SIX4: variants seen among roughly 807,000 people sequenced by gnomAD.
SIX4 encodes homeobox protein SIX4.
In SIX4, 23 loss-of-function variants were observed where a neutral mutation model predicts 51.5. The ratio of observed to expected loss-of-function variants is 0.45; its 90% confidence interval spans 0.32 to 0.63. SIX4 has a LOEUF of 0.63. SIX4 is among the 30% of genes least tolerant of loss of function. The pLI is 0.04. For missense variants in SIX4, 867 were observed against 984.0 expected (o/e 0.88, Z 1.59); for synonymous variants, 413 against 417.3 (o/e 0.99, Z 0.13).
Position 60,713,770 on chromosome 14 carries a change from ATAGT to A in SIX4, c.1979_1982del (p.Asn660MetfsTer20). The A allele has an allele frequency of 1.2e-6, 2 of 1,614,228 alleles. No homozygotes were observed. Among genetic ancestry groups the A allele is most frequent in the Non-Finnish European group, 8.5e-7 (1 of 1,180,044 alleles). On this transcript the variant is annotated frameshift_variant, in exon 3 of 3. Transcript: ENST00000216513. LOFTEE classifies it high-confidence loss of function. ...TAAGGGAGCAGTTCTGAAGAGTTGC[ATAGT>A]TAGTGTTGCTGACAGATGTCACAGT... is the stretch of plus-strand genomic sequence containing the variant.
At chr14:60,721,266 G>T (rs1896013503) in intron 1 of SIX4, 822 of 281,542 alleles carry the variant, frequency 2.9e-3, no homozygotes, top group Non-Finnish European at 4.0e-3. Context: ...TGACTTGGGA[G>T]AAATACCAAA....
rs76468554 is a variant in SIX4, at chr14:60,714,244, G to T, written c.1550-41C>A. ...TACTGATTATCACTGATGGAAGTGA[G>T]AGGGAAAGAAAAAAAGTTACACACA... is the stretch of plus-strand genomic sequence containing the variant. On this transcript the variant is annotated intron_variant, in intron 2 of 2. Transcript: ENST00000216513. 7.1e-3 allele frequency: 10,574 copies of T among 1,498,886 alleles called. 401 individuals carry two copies. The African/African-American group carries it at 0.1, about 14-fold the overall frequency. 92.8% of individuals were successfully genotyped at this position (1,498,886 alleles called of 1,614,324 possible).
rs746256722 is a variant in SIX4, at chr14:60,713,909, G to A, written c.1844C>T (p.Ser615Phe). 100 of 1,614,012 alleles carry A rather than the reference G, an allele frequency of 6.2e-5. No individual in the cohort carries two copies. The highest frequency in any genetic ancestry group is 1.6e-5 in the Non-Finnish European group (19 of 1,180,018). ...HPLASSLVNV[S>F]PTHNFSLSPS... ...ACTGAGAGAAAAATTGTGAGTTGGA[G>A]ATACATTAACTAATGAGGAGGCCAG... Residue 615 changes from serine (S) to phenylalanine (F), a missense_variant, in exon 3 of 3, where the codon TCT (serine) becomes TTT (phenylalanine). Physicochemically the swap from Ser to Phe is radical, Grantham distance 155. Coordinates refer to ENST00000216513, the MANE Select transcript of SIX4 (RefSeq NM_017420.5).
At position 60,722,367 on chromosome 14, in the gene SIX4, C is replaced by A. The variant is rs540411483; in HGVS notation, c.863+845G>T. Among the ~76,000 whole-genome samples, 1 of 152,270 alleles carries A rather than the reference C, an allele frequency of 6.6e-6. No homozygotes were observed. The highest frequency in any genetic ancestry group is 2.1e-4 in the South Asian group (1 of 4,824). On this transcript the variant is annotated intron_variant, in intron 1 of 2. Transcript: ENST00000216513. The surrounding 1 kb of genome is among the most constrained non-coding windows in gnomAD (Gnocchi z 5.9). ...GAGCGCCCCCACTCCTTTGCTGCCG[C>A]CCGCCGTAAGCCGGCCTGCCCCCCA...
Position 60,720,969 on chromosome 14 carries a change from C to G in SIX4, c.864-524G>C. On this transcript the variant is annotated intron_variant, in intron 1 of 2. Transcript: ENST00000216513. This position sits in a 1 kb window ranked among gnomAD's most constrained non-coding sequence, Gnocchi z 5.5. ...TTTGGTCAGTTAGTTAACAAGAGAT[C>G]GTTTTCTCACCTGCTCCCAAACTTC... The G allele has an allele frequency of 1.0e-6, 1 of 986,436 alleles. No individual in the cohort carries two copies. Among genetic ancestry groups the G allele is most frequent in the Non-Finnish European group, 1.2e-6 (1 of 830,740 alleles). The allele number at this position is 986,436 out of a possible 1,614,324, so 61.1% of individuals were successfully genotyped here.
In SIX4 at chr14:60,720,221, A is replaced by G. The variant is rs373554061; in HGVS notation, c.1088T>C (p.Phe363Ser). 5.0e-6 allele frequency: 8 copies of G among 1,614,126 alleles called. No homozygotes were observed. In the African/African-American group the frequency reaches 1.1e-4, roughly 22 times the overall value. The stretch of plus-strand genomic sequence containing the variant: ...CTGAATAAAAGAATTTCCATTAAGG[A>G]AGACAGGTGAAGTACTTGCAGGTAC... ...SLVPASTSPV[F>S]LNGNSFIQGP... The change falls in exon 2 of 3, where the codon TTC becomes TCC. Residue 363 changes from phenylalanine to serine, a missense_variant. Phe to Ser is a radical substitution (Grantham distance 155). Transcript: ENST00000216513. This position sits in a 1 kb window ranked among gnomAD's most constrained non-coding sequence, Gnocchi z 5.5.
chr14:60,720,579 AG>A lies in SIX4; in HGVS notation c.864-135del, dbSNP rs1896003341. ...AGGAAAGCACAGCAGGATATCTGCT[AG>A]TCCTATTTAAACTAAGAGGCCTTTC... On this transcript the variant is annotated intron_variant, in intron 1 of 2. Transcript: ENST00000216513. This position sits in a 1 kb window ranked among gnomAD's most constrained non-coding sequence, Gnocchi z 5.5. The A allele has an allele frequency of 1.2e-6, 1 of 826,930 alleles. No individual in the cohort carries two copies. Among genetic ancestry groups the A allele is most frequent in the Non-Finnish European group, 1.8e-6 (1 of 544,744 alleles). The allele number at this position is 826,930 out of a possible 1,614,324, so 51.2% of individuals were successfully genotyped here. A position where few individuals can be genotyped will look rare whatever the true frequency, so the allele number is the denominator to read the frequency against.
Position 60,714,219 on chromosome 14 carries a change from T to G in SIX4, c.1550-16A>C. 2 of 1,552,104 alleles carry G rather than the reference T, an allele frequency of 1.3e-6. No individual in the cohort carries two copies. The highest frequency in any genetic ancestry group is 2.5e-5 in the South Asian group (2 of 80,984). On this transcript the variant is annotated splice_polypyrimidine_tract_variant and intron_variant, in intron 2 of 2. Transcript: ENST00000216513. ...GAGATATTACCTAAAAAAAATAAAG[T>G]ACTGATTATCACTGATGGAAGTGAG...
At chr14:60,721,111 A>G in intron 1 of SIX4, 1 of 985,586 alleles carries the variant, frequency 1.0e-6, no homozygotes, top group Non-Finnish European at 1.2e-6. Flanking sequence ...AAAGGAAGCC[A>G]AAGGGGCCTA....
At position 60,713,770 on chromosome 14, in the gene SIX4, A is replaced by G; in HGVS notation, c.1983T>C (p.Tyr661=). The change falls in exon 3 of 3, where the codon TAT becomes TAC. Residue 661 remains tyrosine, a synonymous_variant. Coordinates refer to ENST00000216513, the MANE Select transcript of SIX4 (RefSeq NM_017420.5). ...STVTSVSNTN[Y]ATLQNCSLIT... The stretch of plus-strand genomic sequence containing the variant: ...TAAGGGAGCAGTTCTGAAGAGTTGC[A>G]TAGTTAGTGTTGCTGACAGATGTCA... 3 of 1,614,228 alleles carry G rather than the reference A, an allele frequency of 1.9e-6. No homozygotes were observed. Among genetic ancestry groups the G allele is most frequent in the South Asian group, 1.1e-5 (1 of 91,082 alleles).
Position 60,719,610 on chromosome 14 carries a change from G to A in SIX4, c.1549+150C>T. ...GATATGACATGGGTATTGTGAAAGA[G>A]GAGAATCACATCAAGGCTACTCTAC... On this transcript the variant is annotated intron_variant, in intron 2 of 2. Coordinates refer to ENST00000216513, the MANE Select transcript of SIX4 (RefSeq NM_017420.5). The surrounding 1 kb of genome is among the most constrained non-coding windows in gnomAD (Gnocchi z 4.9). 1.3e-6 allele frequency: 1 copy of A among 756,960 alleles called. No homozygotes were observed. Among genetic ancestry groups the A allele is most frequent in the Non-Finnish European group, 2.1e-6 (1 of 480,756 alleles). The allele number at this position is 756,960 out of a possible 1,614,324, so 46.9% of individuals were successfully genotyped here. A position where few individuals can be genotyped will look rare whatever the true frequency, so the allele number is the denominator to read the frequency against.
chr14:60,713,815 C>A lies in SIX4; in HGVS notation c.1938G>T (p.Pro646=), dbSNP rs1037855528. The part of the protein sequence containing the change: ...DIADSQPMSA[P]VASKSTVTSV... ...ATGTCACAGTAGATTTGCTTGCCAC[C>A]GGTGCAGACATTGGTTGGCTATCGG... The change falls in exon 3 of 3, where the codon CCG becomes CCT. Residue 646 remains proline, a synonymous_variant. Coordinates refer to ENST00000216513, the MANE Select transcript of SIX4 (RefSeq NM_017420.5). The A allele has an allele frequency of 3.1e-6, 5 of 1,614,126 alleles. No homozygotes were observed. The highest frequency in any genetic ancestry group is 3.4e-6 in the Non-Finnish European group (4 of 1,180,022).
rs1895853836 is a variant in SIX4, at chr14:60,713,236, ACTC to A, written c.*168_*170del. Reference sequence around the variant, plus strand: ...AAAAAGGCTGCAATAATGCAGTTCTACTCCTGTATACTTAACTGTGATCTTCAT... The same window carrying A: ...AAAAAGGCTGCAATAATGCAGTTCTACTGTATACTTAACTGTGATCTTCAT... On this transcript the variant is annotated 3_prime_UTR_variant, in exon 3 of 3. Coordinates refer to ENST00000216513, the MANE Select transcript of SIX4 (RefSeq NM_017420.5). 1.6e-6 allele frequency: 1 copy of A among 628,320 alleles called. No homozygotes were observed. Among genetic ancestry groups the A allele is most frequent in the African/African-American group, 1.8e-5 (1 of 54,306 alleles). The allele number at this position is 628,320 out of a possible 1,614,324, so 38.9% of individuals were successfully genotyped here. A position where few individuals can be genotyped will look rare whatever the true frequency, so the allele number is the denominator to read the frequency against.
At position 60,720,233 on chromosome 14, in the gene SIX4, G is replaced by A; in HGVS notation, c.1076C>T (p.Thr359Ile). 1 of 1,614,220 alleles carries A rather than the reference G, an allele frequency of 6.2e-7. No individual in the cohort carries two copies. The part of the protein sequence containing the change: ...LLNGSLVPAS[T>I]SPVFLNGNSF... ...ATTTCCATTAAGGAAGACAGGTGAA[G>A]TACTTGCAGGTACCAAGCTTCCATT... The change falls in exon 2 of 3, where the codon ACT (threonine) becomes ATT (isoleucine). Residue 359 changes from threonine (T) to isoleucine (I), a missense_variant. Physicochemically the swap from Thr to Ile is moderately conservative, Grantham distance 89 (BLOSUM62 -1). Coordinates refer to ENST00000216513, the MANE Select transcript of SIX4 (RefSeq NM_017420.5). This position sits in a 1 kb window ranked among gnomAD's most constrained non-coding sequence, Gnocchi z 5.5.
rs1167063441 is a variant in SIX4, at chr14:60,720,503, G to A, written c.864-58C>T. Reference sequence around the variant, plus strand: ...GGTCAGGGGGATGACATTCTACACAGTGCCACTTGTTTGGAAAACCAGCTT... The same window carrying A: ...GGTCAGGGGGATGACATTCTACACAATGCCACTTGTTTGGAAAACCAGCTT... On this transcript the variant is annotated intron_variant, in intron 1 of 2. Transcript: ENST00000216513. This position sits in a 1 kb window ranked among gnomAD's most constrained non-coding sequence, Gnocchi z 5.5. The A allele has an allele frequency of 3.3e-6, 5 of 1,494,364 alleles. No homozygotes were observed. The highest frequency in any genetic ancestry group is 4.5e-6 in the Non-Finnish European group (5 of 1,108,766). 92.6% of individuals were successfully genotyped at this position (1,494,364 alleles called of 1,614,324 possible). A position where few individuals can be genotyped will look rare whatever the true frequency, so the allele number is the denominator to read the frequency against.
chr14:60,713,954 G>C lies in SIX4; in HGVS notation c.1799C>G (p.Ser600Trp). 6.2e-7 allele frequency: 1 copy of C among 1,614,110 alleles called. No homozygotes were observed. Residue 600 changes from serine (S) to tryptophan (W), a missense_variant, in exon 3 of 3, where the codon TCG becomes TGG. Coordinates refer to ENST00000216513, the MANE Select transcript of SIX4 (RefSeq NM_017420.5). Reference sequence around the variant, plus strand: ...GGCCAGTGGATGCAGGCCACTCCCCGAGATGTTTTCAGAAGACAGGTTTGC... The same window carrying C: ...GGCCAGTGGATGCAGGCCACTCCCCCAGATGTTTTCAGAAGACAGGTTTGC... ...VNANLSSENI[S>W]GSGLHPLASS...
intron 1 of SIX4, 200 bp downstream of exon 1, chr14:60,723,012 A>AGG: frequency 3.4e-6 from 4 of 1,188,958 alleles, no homozygotes; most frequent in Non-Finnish European, 4.5e-6. Flanking sequence ...GAGGGTAAGG[A>AGG]GGGAGGTTCC....
At chr14:60,723,154 A>T (rs1207139551) in intron 1 of SIX4, 58 bp downstream of exon 1, 24 of 1,472,280 alleles carry the variant, frequency 1.6e-5, no homozygotes, top group Admixed American at 1.0e-4. Flanking sequence ...GGAGGAAAAG[A>T]AAGCCGGGAA....
In SIX4 at chr14:60,724,263, A is replaced by G; in HGVS notation, c.-189T>C. The stretch of plus-strand genomic sequence containing the variant: ...CCCCGGCCACGCAGTCACCATTAAG[A>G]TAGCTGTTAGAGCAAAGTAGTGTAA... On this transcript the variant is annotated 5_prime_UTR_variant, in exon 1 of 3. Coordinates refer to ENST00000216513, the MANE Select transcript of SIX4 (RefSeq NM_017420.5). 6.5e-7 allele frequency: 1 copy of G among 1,534,414 alleles called. No individual in the cohort carries two copies. The highest frequency in any genetic ancestry group is 8.7e-7 in the Non-Finnish European group (1 of 1,146,264).
Sources: allele counts gnomAD v4.1 joint callset (sites outside exome capture counted in the v4.1 genomes callset), GRCh38; gene constraint gnomAD v4.1.1; non-coding constraint Gnocchi (gnomAD v3.1); transcripts MANE v1.5; gene names NCBI Gene and HGNC (gene_info 2026-07-23, HGNC 2026-07-21).